The following ETV5 variants were observed in gnomAD, a reference collection of about 807,000 sequenced individuals.
ETV5 encodes the protein ETS translocation variant 5.
Under a neutral mutation model 70.0 loss-of-function variants are expected in ETV5, and 10 were observed. The observed-to-expected ratio is 0.14, with a 90% CI of 0.09 to 0.24. The LOEUF is 0.24. Ranked by LOEUF, ETV5 falls within the 10% of genes least tolerant of loss-of-function variation. The pLI is 1.00. For synonymous variants in ETV5, 216 were observed against 242.2 expected (o/e 0.89, Z 1.01); for missense variants, 453 against 651.2 (o/e 0.70, Z 3.31).
chr3:186,098,473 G>A (rs1714366924), intron 5 of ETV5, among the ~76,000 whole-genome samples: 1 of 152,144 alleles, frequency 6.6e-6, no homozygotes, highest in Admixed American at 6.5e-5. Context: ...GAGGGGACAA[G>A]CTACCTATTA....
intron 7 of ETV5, among the ~76,000 whole-genome samples, chr3:186,069,916 C>T (rs1462189765): frequency 6.6e-6 from 1 of 152,190 alleles, no homozygotes; most frequent in Non-Finnish European, 1.5e-5. Flanking sequence ...AAGCAATTCT[C>T]CTGTTTCAGC....
At chr3:186,056,483 A>G (rs1329638359) in intron 11 of ETV5, among the ~76,000 whole-genome samples, 1 of 152,064 alleles carries the variant, frequency 6.6e-6, no homozygotes, top group Non-Finnish European at 1.5e-5. Context: ...CCTGGGGTCA[A>G]GCAATACACC....
rs113137253 is a variant in ETV5, at chr3:186,057,132, G to A, written c.1152C>T (p.Ala384=). ...CTCGACCTGTCCAGGCAATGAAGTG[G>A]GCATTGGCTGGGTCATCAAGAAGGG... is the stretch of plus-strand genomic sequence containing the variant. ...LVTLLDDPAN[A]HFIAWTGRGM... Residue 384 remains alanine, a synonymous_variant, in exon 11 of 13, where the codon GCC becomes GCT. Coordinates refer to ENST00000306376, the MANE Select transcript of ETV5 (RefSeq NM_004454.3). This position sits in a 1 kb window ranked among gnomAD's most constrained non-coding sequence, Gnocchi z 4.9. 5 of 1,614,158 alleles carry A rather than the reference G, an allele frequency of 3.1e-6. No homozygotes were observed. In the African/African-American group the frequency reaches 5.3e-5, roughly 17 times the overall value.
At chr3:186,080,981 C>A in intron 6 of ETV5, 65 bp downstream of exon 6, 1 of 1,531,024 alleles carries the variant, frequency 6.5e-7, no homozygotes, top group Non-Finnish European at 8.8e-7. Flanking sequence ...AAGGAACATT[C>A]AGCTTGATGG....
chr3:186,094,169 G>C (rs941032348), intron 5 of ETV5, among the ~76,000 whole-genome samples: 1 of 152,194 alleles, frequency 6.6e-6, no homozygotes, highest in Non-Finnish European at 1.5e-5. Flanking sequence ...TACAAGGAAA[G>C]AAATTCTTTG....
intron 11 of ETV5, among the ~76,000 whole-genome samples, chr3:186,056,427 T>A (rs1044750761): frequency 6.6e-6 from 1 of 152,100 alleles, no homozygotes; most frequent in African/African-American, 2.4e-5. Flanking sequence ...CTTTTATTTT[T>A]TGTAGAGATA....
chr3:186,072,316 A>C (rs1021377890), intron 7 of ETV5, among the ~76,000 whole-genome samples: 1 of 151,640 alleles, frequency 6.6e-6, no homozygotes, highest in Non-Finnish European at 1.5e-5. Flanking sequence ...CGAGAGGTGG[A>C]GGCCAAGATC....
intron 5 of ETV5, among the ~76,000 whole-genome samples, chr3:186,091,713 A>G (rs1578557738): frequency 6.6e-6 from 1 of 152,210 alleles, no homozygotes; most frequent in African/African-American, 2.4e-5. Context: ...GGGGTAATAC[A>G]ATCAGCTCAA....
chr3:186,108,560 G>A, intron 1 of ETV5: 1 of 1,270,102 alleles, frequency 7.9e-7, no homozygotes, highest in Non-Finnish European at 1.0e-6. Flanking sequence ...GCTCCGCCAA[G>A]CGTCTCTTCT....
At chr3:186,087,950 A>C (rs1166973652) in intron 5 of ETV5, among the ~76,000 whole-genome samples, 1 of 151,856 alleles carries the variant, frequency 6.6e-6, no homozygotes, top group Non-Finnish European at 1.5e-5. Flanking sequence ...GAATACATAA[A>C]ACATTTATGT....
In ETV5 at chr3:186,048,612, G is replaced by A; in HGVS notation, c.*27C>T. 1 of 1,600,556 alleles carries A rather than the reference G, an allele frequency of 6.2e-7. No individual in the cohort carries two copies. The highest frequency in any genetic ancestry group is 1.3e-5 in the African/African-American group (1 of 74,696). On this transcript the variant is annotated 3_prime_UTR_variant, in exon 13 of 13. Transcript: ENST00000306376. ...CCTGAATGGGAACTGCTAGCTCTAGGGTTTGGCCACTCCGCCACTCAGAAA... is the reference window on the plus strand; with the variant it reads ...CCTGAATGGGAACTGCTAGCTCTAGAGTTTGGCCACTCCGCCACTCAGAAA...
Position 186,054,910 on chromosome 3 carries a change from G to A in ETV5, c.1209+2165C>T, listed in dbSNP as rs1713120638. 6.6e-6 allele frequency among the ~76,000 whole-genome samples: 1 copy of A among 152,206 alleles called. No homozygotes were observed. Among genetic ancestry groups the A allele is most frequent in the South Asian group, 2.1e-4 (1 of 4,832 alleles). On this transcript the variant is annotated intron_variant, in intron 11 of 12. Transcript: ENST00000306376. This position sits in a 1 kb window ranked among gnomAD's most constrained non-coding sequence, Gnocchi z 4.4. ...GAGAAAGGAACATTTGGAGCTTAGG[G>A]AAAGCTTGGGGACTTCAAGGTGGGG...
At chr3:186,097,063 G>A (rs1026796188) in intron 5 of ETV5, among the ~76,000 whole-genome samples, 3 of 152,102 alleles carry the variant, frequency 2.0e-5, no homozygotes, top group Non-Finnish European at 4.4e-5. Flanking sequence ...TTTGAGGCAC[G>A]TGCACCCTTA....
intron 5 of ETV5, among the ~76,000 whole-genome samples, chr3:186,086,896 G>A (rs997832550): frequency 2.6e-5 from 4 of 151,950 alleles, no homozygotes; most frequent in Non-Finnish European, 2.9e-5. Context: ...ACTTGAGCCC[G>A]GGAGGCTGAG....
At chr3:186,062,144 A>C (rs1713319797) in intron 9 of ETV5, among the ~76,000 whole-genome samples, 1 of 152,378 alleles carries the variant, frequency 6.6e-6, no homozygotes, top group East Asian at 1.9e-4. Context: ...AAGCATCCCC[A>C]TGCAATGAGT....
At chr3:186,079,017 A>G in intron 7 of ETV5, 2 of 1,056,368 alleles carry the variant, frequency 1.9e-6, no homozygotes, top group Non-Finnish European at 2.3e-6. Context: ...CACAAGATAG[A>G]TAGATATGAA....
intron 7 of ETV5, among the ~76,000 whole-genome samples, chr3:186,068,372 A>G (rs1413375518): frequency 1.3e-5 from 2 of 152,244 alleles, no homozygotes; most frequent in African/African-American, 4.8e-5. Flanking sequence ...ATATAAAACC[A>G]CAGAAAGACT....
chr3:186,076,229 T>A, intron 7 of ETV5: 1 of 218,436 alleles, frequency 4.6e-6, no homozygotes. Context: ...TAAAAATAAA[T>A]TGAGTTGTGA....
At position 186,065,667 on chromosome 3, in the gene ETV5, T is replaced by C. The variant is rs567703301; in HGVS notation, c.910+146A>G. ...TAAACATGTCAGCTCTACTAGCTCC[T>C]AAGTTATTTGAGGGCAATTCTTATA... On this transcript the variant is annotated intron_variant, in intron 8 of 12. Coordinates refer to ENST00000306376, the MANE Select transcript of ETV5 (RefSeq NM_004454.3). 6.3e-6 allele frequency: 6 copies of C among 954,350 alleles called. No individual in the cohort carries two copies. The Admixed American group carries it at 1.4e-4, about 23-fold the overall frequency. 59.1% of individuals were successfully genotyped at this position (954,350 alleles called of 1,614,324 possible).
Sources: allele counts gnomAD v4.1 joint callset (sites outside exome capture counted in the v4.1 genomes callset), GRCh38; gene constraint gnomAD v4.1.1; non-coding constraint Gnocchi (gnomAD v3.1); transcripts MANE v1.5; gene names NCBI Gene and HGNC (gene_info 2026-07-23, HGNC 2026-07-21).